DOCK9: variants seen among roughly 807,000 people sequenced by gnomAD.
The protein encoded by DOCK9 is dedicator of cytokinesis protein 9.
DOCK9 carries 89 observed loss-of-function variants against 263.3 expected under a neutral mutation model. The observed-to-expected ratio is 0.34, with a 90% CI of 0.28 to 0.40. The LOEUF is 0.40. Ranked by LOEUF, DOCK9 falls within the 10% of genes least tolerant of loss-of-function variation. The pLI is 1.00. For missense variants in DOCK9, 2,140 were observed against 2,603.4 expected (o/e 0.82, Z 3.87); for synonymous variants, 976 against 973.1 (o/e 1.00, Z -0.06).
At chr13:98,978,742 G>C (rs1376437817), upstream of DOCK9, among the ~76,000 whole-genome samples, 3 of 152,084 alleles carry the variant, frequency 2.0e-5, no homozygotes, top group Non-Finnish European at 2.9e-5. Context: ...TCCCTTCAAA[G>C]AACTTCACAT....
intron 7 of DOCK9, among the ~76,000 whole-genome samples, chr13:98,920,562 G>A (rs2051786039): frequency 6.6e-6 from 1 of 152,150 alleles, no homozygotes; most frequent in African/African-American, 2.4e-5. Flanking sequence ...GATCTACACC[G>A]CCACTGGTAC....
chr13:98,989,507 C>T lies in DOCK9; in HGVS notation c.130-33956G>A, dbSNP rs183729553. ...TGCAGGCTTTTACCCACCCATGTTT[C>T]GGAATCACTGATCTTAATATAACTT... On this transcript the variant is annotated intron_variant, in intron 1 of 32. Transcript: ENST00000427887. Among the ~76,000 whole-genome samples the T allele has an allele frequency of 2.8e-3, 421 of 152,136 alleles. 1 individual carries two copies. Among genetic ancestry groups the T allele is most frequent in the African/African-American group, 9.7e-3 (402 of 41,488 alleles).
intron 3 of DOCK9, among the ~76,000 whole-genome samples, chr13:98,928,859 G>GCT (rs2053467115): frequency 6.6e-6 from 1 of 152,132 alleles, no homozygotes; most frequent in Admixed American, 6.5e-5. Context: ...GGCTGTATTT[G>GCT]TCTGGAATTA....
intron 19 of DOCK9, 126 bp downstream of exon 19, chr13:98,886,406 G>A: frequency 1.7e-6 from 1 of 578,784 alleles, no homozygotes; most frequent in Non-Finnish European, 3.0e-6. Flanking sequence ...ACTTCAACAT[G>A]CAGTTCTAGC....
Position 98,817,472 on chromosome 13 carries a change from T to TTTTTTTC in DOCK9, c.5130+6925_5130+6926insGAAAAAA. 1.5e-5 allele frequency among the ~76,000 whole-genome samples: 2 copies of TTTTTTTC among 130,938 alleles called. 1 individual carries two copies. The highest frequency in any genetic ancestry group is 5.0e-4 in the South Asian group (2 of 3,978). The allele number at this position is 130,938 out of a possible 152,430, so 85.9% of individuals were successfully genotyped here. The stretch of plus-strand genomic sequence containing the variant: ...CCAGCTTTTTTTTTTTTTTTTTTTT[T>TTTTTTTC]GGTAGGGATAGGGTCTCACTATGTT... On this transcript the variant is annotated intron_variant, in intron 45 of 52. Transcript: ENST00000682017.
chr13:98,894,957 CAAAAAAAAAAAAAAAA>C (rs71114557), intron 15 of DOCK9, among the ~76,000 whole-genome samples: 1 of 73,348 alleles, frequency 1.4e-5, no homozygotes, highest in South Asian at 5.3e-4. Context: ...TACTAAAATA[CAAAAAAAAAAAAAAAA>C]AAAAAAAAAA....
At chr13:99,050,528 C>T (rs2040640038) in intron 1 of DOCK9, among the ~76,000 whole-genome samples, 1 of 152,054 alleles carries the variant, frequency 6.6e-6, no homozygotes, top group Non-Finnish European at 1.5e-5. Context: ...CCTGTCTCTA[C>T]TAAAAATACA....
intron 27 of DOCK9, among the ~76,000 whole-genome samples, chr13:98,879,357 C>T (rs1241673808): frequency 1.3e-5 from 2 of 152,114 alleles, no homozygotes; most frequent in African/African-American, 4.8e-5. Flanking sequence ...TTTGAGACTG[C>T]GCATCTGCCC....
chr13:98,913,458 A>G (rs1320345274), intron 9 of DOCK9, among the ~76,000 whole-genome samples: 7 of 152,204 alleles, frequency 4.6e-5, no homozygotes. Flanking sequence ...GCTAAAATAA[A>G]AAGTCTATAT....
At chr13:98,999,075 A>G (rs1382058203) in intron 1 of DOCK9, among the ~76,000 whole-genome samples, 1 of 152,178 alleles carries the variant, frequency 6.6e-6, no homozygotes, top group Admixed American at 6.5e-5. Context: ...CTTGAGATAA[A>G]AAGACCTAAC....
intron 28 of DOCK9, 55 bp from the exon 29 acceptor site, chr13:98,868,066 T>C: frequency 6.3e-7 from 1 of 1,576,450 alleles, no homozygotes; most frequent in Non-Finnish European, 8.7e-7. Context: ...TTCGGAAATT[T>C]GGATTCAAAG....
Position 98,879,118 on chromosome 13 carries a change from A to G in DOCK9, c.2943+780T>C, listed in dbSNP as rs1307364166. ...CTGGAAACTTCAAAATGAGAAAGTG[A>G]CACTGCCACTTCTGTTTACTACATT... is the stretch of plus-strand genomic sequence containing the variant. On this transcript the variant is annotated intron_variant, in intron 27 of 52. Transcript: ENST00000682017. Among the ~76,000 whole-genome samples the G allele has an allele frequency of 9.2e-5, 14 of 152,336 alleles. No individual in the cohort carries two copies. In the East Asian group the frequency reaches 2.7e-3, roughly 29 times the overall value.
intron 1 of DOCK9, among the ~76,000 whole-genome samples, chr13:98,960,390 C>A (rs1359272521): frequency 6.6e-6 from 1 of 152,138 alleles, no homozygotes; most frequent in African/African-American, 2.4e-5. Context: ...TCAGAACATA[C>A]ACACTGGGTG....
chr13:98,954,092 G>C (rs2057750826), intron 2 of DOCK9, among the ~76,000 whole-genome samples: 1 of 151,970 alleles, frequency 6.6e-6, no homozygotes, highest in East Asian at 1.9e-4. Flanking sequence ...AGTATGCACA[G>C]AGCTGTATAC....
chr13:98,894,505 T>C (rs1349915853), intron 15 of DOCK9, among the ~76,000 whole-genome samples: 3 of 152,148 alleles, frequency 2.0e-5, no homozygotes, highest in African/African-American at 7.2e-5. Flanking sequence ...GTAATACAGA[T>C]ATATTTTTTC....
At chr13:98,908,771 G>A (rs1162344757) in intron 9 of DOCK9, among the ~76,000 whole-genome samples, 1 of 152,220 alleles carries the variant, frequency 6.6e-6, no homozygotes, top group Non-Finnish European at 1.5e-5. Flanking sequence ...TGTGGGAATG[G>A]AGGATGAAGG....
At position 98,837,025 on chromosome 13, in the gene DOCK9, C is replaced by A. The variant is rs1310675982; in HGVS notation, c.4314+469G>T. On this transcript the variant is annotated intron_variant, in intron 39 of 52. Transcript: ENST00000682017. ...ACTTAAAAACAAGACAAAAAAAAAA[C>A]CCCTTTCATTTTCTATCTCCAAAAC... Among the ~76,000 whole-genome samples, 29 of 147,022 alleles carry A rather than the reference C, an allele frequency of 2.0e-4. No individual in the cohort carries two copies. The East Asian group carries it at 2.0e-3, about 10-fold the overall frequency.
chr13:98,978,169 G>T, upstream of DOCK9: 2 of 1,236,090 alleles, frequency 1.6e-6, no homozygotes, highest in East Asian at 2.7e-5. Flanking sequence ...CAAACTCCAA[G>T]CTGAACAATA....
At chr13:98,932,936 G>T (rs2054198536) in intron 2 of DOCK9, among the ~76,000 whole-genome samples, 1 of 152,108 alleles carries the variant, frequency 6.6e-6, no homozygotes, top group South Asian at 2.1e-4. Context: ...CCACAGAGAT[G>T]AGTGACCATA....
Sources: gnomAD v4.1 joint callset for allele counts (sites outside exome capture counted in the v4.1 genomes callset) on GRCh38, gnomAD v4.1.1 for gene constraint, MANE v1.5 for transcripts, NCBI Gene and HGNC (gene_info 2026-07-23, HGNC 2026-07-21) for gene names.